ARSB: variants seen among roughly 807,000 people sequenced by gnomAD.
ARSB encodes N-acetylgalactosamine-4-sulfatase.
Under a neutral mutation model 50.9 loss-of-function variants are expected in ARSB, and 41 were observed. That is an observed-to-expected ratio of 0.81 (90% CI 0.63 to 1.04). ARSB has a LOEUF of 1.04. ARSB is among the 50% of genes least tolerant of loss of function. The pLI, the probability that ARSB is intolerant of heterozygous loss-of-function variation, is 0.00. For missense variants in ARSB, 672 were observed against 693.3 expected, an observed-to-expected ratio of 0.97 and a Z score of 0.35; for synonymous variants, 269 against 284.8, an observed-to-expected ratio of 0.94 and a Z score of 0.56.
chr5:78,981,564 G>A (rs1752905249), intron 1 of ARSB, among the ~76,000 whole-genome samples: 1 of 152,184 alleles, frequency 6.6e-6, no homozygotes, highest in Non-Finnish European at 1.5e-5. Context: ...TTAGAAACTC[G>A]CCCTAATGGA....
chr5:78,812,305 G>A (rs1743837556), intron 6 of ARSB, among the ~76,000 whole-genome samples: 1 of 152,158 alleles, frequency 6.6e-6, no homozygotes, highest in African/African-American at 2.4e-5. Flanking sequence ...CAATACCCTG[G>A]AGGGCACAGC....
intron 4 of ARSB, among the ~76,000 whole-genome samples, chr5:78,951,652 T>C (rs1473994612): frequency 2.6e-5 from 4 of 152,180 alleles, no homozygotes; most frequent in East Asian, 1.9e-4. Context: ...TGAATAATCA[T>C]CTCAGCATGC....
In ARSB at chr5:78,817,108, C is replaced by T. The variant is rs79221006; in HGVS notation, c.1213+22248G>A. ...CTGTAGCAGTACCCTCCTTGTCTTCCGGACTTCAGTTCAATCAGTTCTCTA... is the reference window on the plus strand; with the variant it reads ...CTGTAGCAGTACCCTCCTTGTCTTCTGGACTTCAGTTCAATCAGTTCTCTA... On this transcript the variant is annotated intron_variant, in intron 6 of 7. Coordinates refer to ENST00000264914, the MANE Select transcript of ARSB (RefSeq NM_000046.5). 6.4e-3 allele frequency: 6,353 copies of T among 985,348 alleles called. 310 individuals carry two copies. The African/African-American group carries it at 0.1, about 15-fold the overall frequency. The allele number at this position is 985,348 out of a possible 1,614,324, so 61.0% of individuals were successfully genotyped here. A position where few individuals can be genotyped will look rare whatever the true frequency, so the allele number is the denominator to read the frequency against.
chr5:78,805,122 C>T (rs533015614), intron 6 of ARSB, among the ~76,000 whole-genome samples: 76 of 152,308 alleles, frequency 5.0e-4, no homozygotes, highest in African/African-American at 1.7e-3. Context: ...GACCAACCAA[C>T]GTTGTCATGT....
Position 78,949,144 on chromosome 5 carries a change from T to C in ARSB, c.898+6151A>G, listed in dbSNP as rs182946285. On this transcript the variant is annotated intron_variant, in intron 4 of 7. Coordinates refer to ENST00000264914, the MANE Select transcript of ARSB (RefSeq NM_000046.5). ...GACAGCGCACTGAGAATAACTATGCTAAGATGATGGGTAGAGGTGGCAAGG... is the reference window on the plus strand; with the variant it reads ...GACAGCGCACTGAGAATAACTATGCCAAGATGATGGGTAGAGGTGGCAAGG... Among the ~76,000 whole-genome samples, 407 of 152,346 alleles carry C rather than the reference T, an allele frequency of 2.7e-3. 2 individuals carry two copies. Among genetic ancestry groups the C allele is most frequent in the Admixed American group, 4.7e-3 (72 of 15,302 alleles).
intron 4 of ARSB, among the ~76,000 whole-genome samples, chr5:78,900,848 G>A (rs895349806): frequency 6.6e-6 from 1 of 151,928 alleles, no homozygotes; most frequent in Non-Finnish European, 1.5e-5. Context: ...GACCATCCTG[G>A]CTAACACAGT....
chr5:78,956,045 A>C (rs1751708615), intron 3 of ARSB, among the ~76,000 whole-genome samples: 1 of 152,232 alleles, frequency 6.6e-6, no homozygotes. Context: ...AGAGAAATCA[A>C]AGCATACATC....
intron 1 of ARSB, among the ~76,000 whole-genome samples, chr5:78,971,846 G>A (rs749691351): frequency 1.5e-4 from 22 of 150,922 alleles, no homozygotes; most frequent in Non-Finnish European, 2.4e-4. Context: ...AAAGTTTATC[G>A]AATTGTATAC....
At chr5:78,918,418 A>G (rs906252242) in intron 4 of ARSB, among the ~76,000 whole-genome samples, 22 of 152,172 alleles carry the variant, frequency 1.4e-4, no homozygotes, top group African/African-American at 4.1e-4. Flanking sequence ...TAAATTCCTT[A>G]TTTTAGAATA....
intron 4 of ARSB, among the ~76,000 whole-genome samples, chr5:78,933,483 C>T (rs184236258): frequency 6.0e-4 from 92 of 152,244 alleles, no homozygotes; most frequent in African/African-American, 2.1e-3. Flanking sequence ...TATTCCCAGG[C>T]CCACAACAAT....
chr5:78,832,946 C>A (rs1056076064), intron 6 of ARSB, among the ~76,000 whole-genome samples: 2 of 152,140 alleles, frequency 1.3e-5, no homozygotes, highest in African/African-American at 4.8e-5. Flanking sequence ...TTCCAGCCAT[C>A]ATAGAATGCC....
chr5:78,942,569 C>T (rs1048937599), intron 4 of ARSB, among the ~76,000 whole-genome samples: 81 of 152,242 alleles, frequency 5.3e-4, no homozygotes, highest in South Asian at 1.9e-3. Context: ...GCGGGTTGTT[C>T]GGTTTCCATG....
chr5:78,810,117 C>T (rs1391048025), intron 6 of ARSB, among the ~76,000 whole-genome samples: 3 of 152,234 alleles, frequency 2.0e-5, no homozygotes, highest in African/African-American at 4.8e-5. Flanking sequence ...TCCCGACCCC[C>T]GCAAGCTTCA....
At chr5:78,801,220 C>CA (rs1200182165) in intron 6 of ARSB, among the ~76,000 whole-genome samples, 8 of 152,006 alleles carry the variant, frequency 5.3e-5, no homozygotes, top group Non-Finnish European at 1.0e-4. Flanking sequence ...CCTGATAGTA[C>CA]AAAAAAGTTG....
chr5:78,831,800 T>C, intron 6 of ARSB, among the ~76,000 whole-genome samples: 1 of 152,144 alleles, frequency 6.6e-6, no homozygotes, highest in East Asian at 1.9e-4. Flanking sequence ...GCCCCATGCA[T>C]TCCCCCTAAC....
At chr5:78,905,478 C>G (rs1749020578) in intron 4 of ARSB, among the ~76,000 whole-genome samples, 1 of 151,934 alleles carries the variant, frequency 6.6e-6, no homozygotes, top group South Asian at 2.1e-4. Flanking sequence ...GAGAATCAAC[C>G]TAGTGAGACT....
chr5:78,985,115 G>A lies in ARSB; in HGVS notation c.134C>T (p.Pro45Leu). ...GTCTGCCAGCAAGAAGACCAGGTGG[G>A]GCGGCCGGCTGGCCCCGGCGCCCGA... ...PGSGAGASRP[P>L]HLVFLLADDL... is the part of the protein sequence containing the mutation. The change falls in exon 1 of 8, where the codon CCC becomes CTC. Residue 45 changes from proline (P) to leucine (L), a missense_variant. By Grantham distance (98) the Pro-to-Leu change is moderately conservative (BLOSUM62 -3). Transcript: ENST00000264914. 2.7e-6 allele frequency: 4 copies of A among 1,498,448 alleles called. No homozygotes were observed. Among genetic ancestry groups the A allele is most frequent in the South Asian group, 1.3e-5 (1 of 77,878 alleles). 92.8% of individuals were successfully genotyped at this position (1,498,448 alleles called of 1,614,324 possible). A position where few individuals can be genotyped will look rare whatever the true frequency, so the allele number is the denominator to read the frequency against.
At chr5:78,973,109 T>G (rs1752531465) in intron 1 of ARSB, among the ~76,000 whole-genome samples, 1 of 152,098 alleles carries the variant, frequency 6.6e-6, no homozygotes, top group Non-Finnish European at 1.5e-5. Flanking sequence ...AGCCACGCCA[T>G]GCTGCAAGGG....
chr5:78,878,623 C>T (rs147510472), intron 5 of ARSB, among the ~76,000 whole-genome samples: 170 of 151,698 alleles, frequency 1.1e-3, no homozygotes, highest in African/African-American at 3.9e-3. Flanking sequence ...GCTCATGGAC[C>T]ATCATGCTTT....
Sources: gnomAD v4.1 joint callset for allele counts (sites outside exome capture counted in the v4.1 genomes callset) on GRCh38, gnomAD v4.1.1 for gene constraint, MANE v1.5 for transcripts, NCBI Gene and HGNC (gene_info 2026-07-23, HGNC 2026-07-21) for gene names.